Variants in LRRIQ1 observed in about 807,000 individuals in gnomAD.
LRRIQ1 encodes the protein leucine rich repeats and IQ motif containing 1, also known as leucine-rich repeat- and IQ domain-containing protein 1.
In LRRIQ1, 210 loss-of-function variants were observed where a neutral mutation model predicts 211.9. That is an observed-to-expected ratio of 0.99 (90% CI 0.89 to 1.11). LRRIQ1 has a LOEUF of 1.11. LRRIQ1 is among the 50% of genes most tolerant of loss of function. The probability of loss-of-function intolerance (pLI) is 0.00; values close to 1 mark genes in which losing one functional copy is unlikely to be tolerated. For missense variants in LRRIQ1, 2,136 were observed against 1,939.5 expected (o/e 1.10, Z -1.90); for synonymous variants, 699 against 650.1 (o/e 1.08, Z -1.14).
intron 11 of LRRIQ1, among the ~76,000 whole-genome samples, chr12:85,074,726 G>A (rs1883454390): frequency 2.6e-5 from 4 of 152,036 alleles, no homozygotes; most frequent in Admixed American, 2.6e-4. Flanking sequence ...GGCAAAATTG[G>A]TAAAACTGTG....
At chr12:85,109,489 C>A (rs148147309) in intron 15 of LRRIQ1, among the ~76,000 whole-genome samples, 2 of 152,054 alleles carry the variant, frequency 1.3e-5, no homozygotes, top group Non-Finnish European at 2.9e-5. Flanking sequence ...CATGTTTCCA[C>A]GTTTTAGAAA....
At chr12:85,099,551 T>G (rs1039658650) in intron 13 of LRRIQ1, among the ~76,000 whole-genome samples, 2 of 151,874 alleles carry the variant, frequency 1.3e-5, no homozygotes, top group African/African-American at 4.8e-5. Flanking sequence ...CATCTGGATC[T>G]TTGCTGAGAA....
At chr12:85,155,506 A>G (rs1370723088) in intron 23 of LRRIQ1, among the ~76,000 whole-genome samples, 1 of 151,506 alleles carries the variant, frequency 6.6e-6, no homozygotes, top group Non-Finnish European at 1.5e-5. Flanking sequence ...TTTGATGTCT[A>G]TTTCTACCCA....
chr12:85,252,508 G>A (rs1565929625), intron 1 of LRRIQ1, among the ~76,000 whole-genome samples: 1 of 151,822 alleles, frequency 6.6e-6, no homozygotes, highest in Non-Finnish European at 1.5e-5. Context: ...AGTATGAAAT[G>A]TTTTTATGAG....
chr12:85,142,675 G>C (rs1175102826), intron 19 of LRRIQ1, among the ~76,000 whole-genome samples: 1 of 151,350 alleles, frequency 6.6e-6, no homozygotes, highest in African/African-American at 2.4e-5. Flanking sequence ...CTCTACTTCT[G>C]TGATATTAAG....
intron 24 of LRRIQ1, among the ~76,000 whole-genome samples, chr12:85,193,728 G>A (rs1428350920): frequency 6.6e-6 from 1 of 151,764 alleles, no homozygotes; most frequent in African/African-American, 2.4e-5. Context: ...ATGCCAAATT[G>A]TAAAGACCAT....
chr12:85,137,196 T>G (rs962435229), intron 18 of LRRIQ1, among the ~76,000 whole-genome samples: 1 of 151,252 alleles, frequency 6.6e-6, no homozygotes, highest in Non-Finnish European at 1.5e-5. Flanking sequence ...ATTTCTCCCT[T>G]GGTTTTTACA....
exon 2 of LRRIQ1, chr12:85,263,775 G>A (rs1392734774): frequency 6.6e-6 from 1 of 151,698 alleles, no homozygotes; most frequent in Non-Finnish European, 1.5e-5. Flanking sequence ...TTTCATTAAG[G>A]TACCTTAAAA....
chr12:85,084,070 G>A (rs1223187964), intron 11 of LRRIQ1, among the ~76,000 whole-genome samples: 1 of 152,088 alleles, frequency 6.6e-6, no homozygotes, highest in East Asian at 1.9e-4. Context: ...TTATATCAGA[G>A]TAAAGCTATT....
chr12:85,058,035 G>T (rs1387054785), intron 8 of LRRIQ1, among the ~76,000 whole-genome samples: 1 of 151,816 alleles, frequency 6.6e-6, no homozygotes, highest in African/African-American at 2.4e-5. Context: ...CCAATAAGAT[G>T]ATCAATATTT....
chr12:85,116,854 C>T (rs943816157), intron 15 of LRRIQ1, among the ~76,000 whole-genome samples: 1 of 151,730 alleles, frequency 6.6e-6, no homozygotes, highest in Non-Finnish European at 1.5e-5. Flanking sequence ...CCAGCTCCAT[C>T]CATGTTACCA....
At chr12:85,269,431 G>A (rs11116764), downstream of LRRIQ1, among the ~76,000 whole-genome samples, 482 of 152,076 alleles carry the variant, frequency 3.2e-3, 5 homozygotes, top group African/African-American at 0.011. Context: ...CTACACTGAA[G>A]TCTCTACTTA....
At chr12:85,204,179 C>T (rs1165424516) in intron 24 of LRRIQ1, among the ~76,000 whole-genome samples, 1 of 152,200 alleles carries the variant, frequency 6.6e-6, no homozygotes, top group Non-Finnish European at 1.5e-5. Context: ...GCAGCTTCCA[C>T]ATGGTGTTGA....
intron 1 of LRRIQ1, among the ~76,000 whole-genome samples, chr12:85,250,871 A>AT (rs1310395409): frequency 5.4e-4 from 34 of 63,512 alleles, no homozygotes; most frequent in Admixed American, 1.5e-3. Context: ...TATAGATTAT[A>AT]TATTATATTA....
intron 25 of LRRIQ1, 54 bp downstream of exon 25, chr12:85,229,703 T>C (rs2137181294): frequency 6.4e-7 from 1 of 1,551,158 alleles, no homozygotes; most frequent in Non-Finnish European, 8.8e-7. Context: ...ATCTTGAAAA[T>C]TGAAACCTAG....
At chr12:85,264,753 T>A (rs1212011324), downstream of LRRIQ1, among the ~76,000 whole-genome samples, 1 of 152,088 alleles carries the variant, frequency 6.6e-6, no homozygotes, top group Non-Finnish European at 1.5e-5. Context: ...TAGTTGGCAC[T>A]GAATTTTGGA....
At chr12:85,239,540 G>C (rs913364084) in intron 26 of LRRIQ1, among the ~76,000 whole-genome samples, 3 of 151,760 alleles carry the variant, frequency 2.0e-5, no homozygotes, top group Non-Finnish European at 2.9e-5. Context: ...ACAATTCAAG[G>C]GGGGGAAAGA....
chr12:85,054,491 C>T (rs1324386566), intron 7 of LRRIQ1, among the ~76,000 whole-genome samples: 1 of 152,012 alleles, frequency 6.6e-6, no homozygotes, highest in Non-Finnish European at 1.5e-5. Flanking sequence ...TTTAAGAAAA[C>T]GTATTTTTCT....
intron 15 of LRRIQ1, among the ~76,000 whole-genome samples, chr12:85,112,665 T>G (rs1021440182): frequency 6.6e-6 from 1 of 151,886 alleles, no homozygotes; most frequent in African/African-American, 2.4e-5. Flanking sequence ...AGAAAATTGG[T>G]CACTGCCTCA....
Sources: allele counts gnomAD v4.1 joint callset (sites outside exome capture counted in the v4.1 genomes callset), GRCh38; gene constraint gnomAD v4.1.1; transcripts MANE v1.5; gene names NCBI Gene and HGNC (gene_info 2026-07-23, HGNC 2026-07-21).